Variants in MPDZ observed in about 807,000 individuals in gnomAD.
MPDZ encodes the protein multiple PDZ domain crumbs cell polarity complex component, also known as multiple PDZ domain protein.
In MPDZ, 234 loss-of-function variants were observed where a neutral mutation model predicts 239.1. The ratio of observed to expected loss-of-function variants is 0.98; its 90% confidence interval spans 0.88 to 1.09. MPDZ has a LOEUF of 1.09. Ranked by LOEUF, MPDZ falls within the 50% of genes least tolerant of loss-of-function variation. The probability of loss-of-function intolerance (pLI) is 0.00; values close to 1 mark genes in which losing one functional copy is unlikely to be tolerated. For missense variants in MPDZ, 3,175 were observed against 2,510.0 expected, an observed-to-expected ratio of 1.26 and a Z score of -5.66; for synonymous variants, 1,048 against 881.3, an observed-to-expected ratio of 1.19 and a Z score of -3.35.
chr9:13,274,982 A>C (rs1391028824), intron 1 of MPDZ, among the ~76,000 whole-genome samples: 2 of 152,240 alleles, frequency 1.3e-5, no homozygotes, highest in African/African-American at 4.8e-5. Flanking sequence ...ACAATTTCCC[A>C]ATGAACATCC....
chr9:13,106,800 G>A lies in MPDZ; in HGVS notation c.*165C>T. 3 of 676,990 alleles carry A rather than the reference G, an allele frequency of 4.4e-6. No individual in the cohort carries two copies. The highest frequency in any genetic ancestry group is 4.5e-4 in the Middle Eastern group (1 of 2,218). The allele number at this position is 676,990 out of a possible 1,614,324, so 41.9% of individuals were successfully genotyped here. ...AAAGAAAAATGATGTTAGGTTGTCAGTAAGGAAAGCATTTCTAGATGAGAA... is the reference window on the plus strand; with the variant it reads ...AAAGAAAAATGATGTTAGGTTGTCAATAAGGAAAGCATTTCTAGATGAGAA... On this transcript the variant is annotated 3_prime_UTR_variant, in exon 47 of 47. Coordinates refer to ENST00000319217, the MANE Select transcript of MPDZ (RefSeq NM_001378778.1).
intron 45 of MPDZ, 42 bp downstream of exon 45, chr9:13,109,910 A>T (rs116085345): frequency 6.7e-7 from 1 of 1,498,618 alleles, no homozygotes; most frequent in South Asian, 1.2e-5. Context: ...GACTTGATTC[A>T]TAAGTGAAAA....
At chr9:13,249,997 T>TAACCAGAATTAGGCTCATA (rs1161886558) in intron 2 of MPDZ, among the ~76,000 whole-genome samples, 4 of 152,218 alleles carry the variant, frequency 2.6e-5, no homozygotes, top group Non-Finnish European at 5.9e-5. Context: ...AAATAGATAT[T>TAACCAGAATTAGGCTCATA]AACCAGAATT....
At chr9:13,192,457 T>C (rs969199829) in intron 14 of MPDZ, among the ~76,000 whole-genome samples, 162 bp from the exon 15 acceptor site, 2 of 152,162 alleles carry the variant, frequency 1.3e-5, no homozygotes, top group African/African-American at 4.8e-5. Flanking sequence ...TAAATTTATG[T>C]GCAAGTTTAG....
At chr9:13,148,622 C>T (rs577118051) in intron 25 of MPDZ, among the ~76,000 whole-genome samples, 4 of 152,016 alleles carry the variant, frequency 2.6e-5, no homozygotes, top group South Asian at 4.1e-4. Flanking sequence ...GAACAAAAGT[C>T]AGTATTCACA....
chr9:13,107,742 T>A (rs1941727744), intron 46 of MPDZ, among the ~76,000 whole-genome samples: 3 of 152,188 alleles, frequency 2.0e-5, no homozygotes, highest in Admixed American at 2.0e-4. Context: ...TGATTAAGAT[T>A]AAATACAGAC....
At chr9:13,136,322 T>TTTTTTG in intron 30 of MPDZ, 140 bp from the exon 31 acceptor site, 1 of 440,590 alleles carries the variant, frequency 2.3e-6, no homozygotes, top group Non-Finnish European at 3.8e-6. Flanking sequence ...TTACAAACGT[T>TTTTTTG]TTCTTTTTTT....
intron 10 of MPDZ, among the ~76,000 whole-genome samples, chr9:13,213,478 A>T (rs1957892013): frequency 6.6e-6 from 1 of 152,098 alleles, no homozygotes; most frequent in South Asian, 2.1e-4. Flanking sequence ...ACAGACAAAG[A>T]CTGCAGTTGT....
rs1276493639 is a variant in MPDZ at position 13,190,413 on chromosome 9, C to T, written c.1969-114G>A. Reference sequence around the variant, plus strand: ...TCTGTCCAAACAAAACATCCTCAAACAAGAGTAGCAACAGCTTTTCATGAA... The same window carrying T: ...TCTGTCCAAACAAAACATCCTCAAATAAGAGTAGCAACAGCTTTTCATGAA... On this transcript the variant is annotated intron_variant, in intron 15 of 46. Transcript: ENST00000319217. 6 of 881,558 alleles carry T rather than the reference C, an allele frequency of 6.8e-6. No individual in the cohort carries two copies. The East Asian group carries it at 1.8e-4, about 27-fold the overall frequency. 54.6% of individuals were successfully genotyped at this position (881,558 alleles called of 1,614,324 possible). A position where few individuals can be genotyped will look rare whatever the true frequency, so the allele number is the denominator to read the frequency against.
At chr9:13,200,264 C>G (rs1956221687) in intron 12 of MPDZ, among the ~76,000 whole-genome samples, 1 of 151,824 alleles carries the variant, frequency 6.6e-6, no homozygotes, top group Admixed American at 6.6e-5. Flanking sequence ...CTCTAACAAT[C>G]CTATGTATTT....
At chr9:13,232,152 C>T (rs1306831030) in intron 3 of MPDZ, among the ~76,000 whole-genome samples, 3 of 152,096 alleles carry the variant, frequency 2.0e-5, no homozygotes, top group Non-Finnish European at 4.4e-5. Context: ...TAATTATTTG[C>T]AGACCACATA....
At chr9:13,148,431 C>A (rs1254934504) in intron 25 of MPDZ, among the ~76,000 whole-genome samples, 1 of 151,762 alleles carries the variant, frequency 6.6e-6, no homozygotes, top group South Asian at 2.1e-4. Flanking sequence ...ATGATATATA[C>A]AACAAAAGAG....
chr9:13,115,928 A>G (rs1051360516), intron 39 of MPDZ, among the ~76,000 whole-genome samples: 1 of 139,886 alleles, frequency 7.1e-6, no homozygotes, highest in Admixed American at 7.7e-5. Flanking sequence ...TGGGTGACAG[A>G]GCGAGACTTG....
intron 12 of MPDZ, among the ~76,000 whole-genome samples, chr9:13,201,557 G>C (rs1956392385): frequency 6.6e-6 from 1 of 151,792 alleles, no homozygotes; most frequent in South Asian, 2.1e-4. Context: ...ATTACACAGA[G>C]GTTAGTTCAC....
chr9:13,183,486 A>AT lies in MPDZ; in HGVS notation c.2580dup (p.Ser861IlefsTer9). ...TCACCACAAGAACTGCCATGAAGAG[A>AT]TAAAATAGAGGCTTGAGTAGAGTAG... is the stretch of plus-strand genomic sequence containing the variant. On this transcript the variant is annotated frameshift_variant, in exon 19 of 47. Transcript: ENST00000319217. LOFTEE classifies it high-confidence loss of function. 2 of 1,612,544 alleles carry AT rather than the reference A, an allele frequency of 1.2e-6. No homozygotes were observed. The highest frequency in any genetic ancestry group is 8.5e-7 in the Non-Finnish European group (1 of 1,179,112).
intron 19 of MPDZ, among the ~76,000 whole-genome samples, chr9:13,176,982 A>G (rs1275918488): frequency 6.6e-6 from 1 of 152,174 alleles, no homozygotes; most frequent in Non-Finnish European, 1.5e-5. Flanking sequence ...AATATTCTGT[A>G]CGATATAACA....
At position 13,109,953 on chromosome 9, in the gene MPDZ, C is replaced by G. The variant is rs779048168; in HGVS notation, c.5941G>C (p.Gly1981Arg). The change falls in exon 45 of 47, where the codon GGA (glycine) becomes CGA (arginine). Residue 1981 changes from glycine (G) to arginine (R), a missense_variant and splice_region_variant. By Grantham distance (125) the Gly-to-Arg change is moderately radical. Transcript: ENST00000319217. ...TSSSIFQDDL[G>R]PPQCKSITLE... ...ACTAATCATCATGTATGAACTCACC[C>G]TAAATCATCCTGAAATATACTGCTT... 1.1e-5 allele frequency: 17 copies of G among 1,610,798 alleles called. No individual in the cohort carries two copies. The East Asian group carries it at 2.7e-4, about 25-fold the overall frequency.
At chr9:13,175,999 A>C (rs1445274772) in intron 20 of MPDZ, 124 bp from the exon 21 acceptor site, 1 of 1,415,362 alleles carries the variant, frequency 7.1e-7, no homozygotes, top group Non-Finnish European at 9.4e-7. Flanking sequence ...CTGCAACCAA[A>C]ACAAGTTCAT....
intron 10 of MPDZ, among the ~76,000 whole-genome samples, chr9:13,209,283 T>C (rs749585050): frequency 4.5e-4 from 69 of 152,132 alleles, no homozygotes; most frequent in Non-Finnish European, 9.1e-4. Context: ...CACACATGTG[T>C]GCATACAAGC....
Sources: gnomAD v4.1 joint callset for allele counts (sites outside exome capture counted in the v4.1 genomes callset) on GRCh38, gnomAD v4.1.1 for gene constraint, MANE v1.5 for transcripts, NCBI Gene and HGNC (gene_info 2026-07-23, HGNC 2026-07-21) for gene names.